The following CDH4 variants were observed in gnomAD, a reference collection of about 807,000 sequenced individuals.
CDH4 encodes cadherin-4.
A neutral mutation model predicts 86.0 loss-of-function variants in CDH4; 33 were observed. That is an observed-to-expected ratio of 0.38 (90% CI 0.29 to 0.51). The LOEUF is 0.51. Among genes scored for constraint, CDH4 ranks in the 20% least tolerant of loss-of-function variants. The pLI, the probability that CDH4 is intolerant of heterozygous loss-of-function variation, is 0.86. For missense variants in CDH4, 1,114 were observed against 1,307.4 expected, an observed-to-expected ratio of 0.85 and a Z score of 2.28; for synonymous variants, 555 against 549.4, an observed-to-expected ratio of 1.01 and a Z score of -0.14.
At chr20:61,302,071 T>C (rs956248910) in intron 2 of CDH4, among the ~76,000 whole-genome samples, 8 of 152,258 alleles carry the variant, frequency 5.3e-5, no homozygotes, top group African/African-American at 1.9e-4. Context: ...AGCAGATTGT[T>C]TTAATTTGCA....
At chr20:61,450,866 G>C (rs2085375380) in intron 2 of CDH4, among the ~76,000 whole-genome samples, 1 of 150,078 alleles carries the variant, frequency 6.7e-6, no homozygotes, top group Middle Eastern at 3.4e-3. Flanking sequence ...CTCTAACCCA[G>C]TGTCCTGACA....
At chr20:61,567,339 G>A (rs886427824) in intron 2 of CDH4, among the ~76,000 whole-genome samples, 1 of 152,200 alleles carries the variant, frequency 6.6e-6, no homozygotes, top group Non-Finnish European at 1.5e-5. Context: ...ACTTTTCACA[G>A]TTCTGGAGGC....
intron 2 of CDH4, among the ~76,000 whole-genome samples, chr20:61,433,645 T>C (rs1044431700): frequency 6.6e-6 from 1 of 151,898 alleles, no homozygotes; most frequent in Admixed American, 6.6e-5. Flanking sequence ...CAAAAGAAAG[T>C]GAGAGCCAGC....
chr20:61,404,439 G>A (rs6142835), intron 2 of CDH4, among the ~76,000 whole-genome samples: 55,965 of 151,862 alleles, frequency 0.37, 10,755 homozygotes, highest in South Asian at 0.46. Context: ...CACGCTTCTT[G>A]CCTTTTCTGA....
intron 2 of CDH4, among the ~76,000 whole-genome samples, chr20:61,611,800 T>G (rs1283716069): frequency 2.0e-5 from 3 of 152,216 alleles, no homozygotes; most frequent in South Asian, 4.1e-4. Context: ...CACCTGGGTG[T>G]GGATCTGAGC....
Position 61,937,031 on chromosome 20 carries a change from C to G in CDH4, c.*88C>G, listed in dbSNP as rs1055961401. ...GCAGAGGCGGCCGGTCTTCCCGACT[C>G]CCTGCGGCTGTGTCCTTAGTGCTGT... On this transcript the variant is annotated 3_prime_UTR_variant, in exon 16 of 16. Transcript: ENST00000614565. The G allele has an allele frequency of 2.6e-5, 31 of 1,185,352 alleles. 1 individual carries two copies. In the South Asian group the frequency reaches 5.1e-4, roughly 20 times the overall value. The allele number at this position is 1,185,352 out of a possible 1,614,324, so 73.4% of individuals were successfully genotyped here. A position where few individuals can be genotyped will look rare whatever the true frequency, so the allele number is the denominator to read the frequency against.
At position 61,544,662 on chromosome 20, in the gene CDH4, C is replaced by T. The variant is rs1035852205; in HGVS notation, c.170-198901C>T. On this transcript the variant is annotated intron_variant, in intron 2 of 15. Transcript: ENST00000614565. This position sits in a 1 kb window ranked among gnomAD's most constrained non-coding sequence, Gnocchi z 6.5. ...CGCTGCTCTACTCCGCACCGGCCCC[C>T]CTGCCTGTACTTGACCACACTCCTG... is the stretch of plus-strand genomic sequence containing the variant. Among the ~76,000 whole-genome samples the T allele has an allele frequency of 5.9e-5, 9 of 152,084 alleles. No homozygotes were observed. Among genetic ancestry groups the T allele is most frequent in the African/African-American group, 2.2e-4 (9 of 41,430 alleles).
rs536214531 is a variant in CDH4 at position 61,687,866 on chromosome 20, C to T, written c.170-55697C>T. ...TAAAAGGACTTAGCCTACCTTAGAC[C>T]ACAGGGGAGCCTGGGGGCTTTTGGG... On this transcript the variant is annotated intron_variant, in intron 2 of 15. Transcript: ENST00000614565. 5.1e-4 allele frequency among the ~76,000 whole-genome samples: 78 copies of T among 152,260 alleles called. 1 individual carries two copies. The highest frequency in any genetic ancestry group is 1.8e-3 in the African/African-American group (74 of 41,548).
intron 2 of CDH4, among the ~76,000 whole-genome samples, chr20:61,394,883 A>G (rs2085007811): frequency 7.3e-6 from 1 of 136,950 alleles, no homozygotes; most frequent in Admixed American, 8.1e-5. Flanking sequence ...GTGAGCCCTC[A>G]CAACCCTGCC....
At chr20:61,275,058 G>GA (rs1446248121) in intron 2 of CDH4, among the ~76,000 whole-genome samples, 4 of 136,952 alleles carry the variant, frequency 2.9e-5, no homozygotes, top group Admixed American at 1.5e-4. Flanking sequence ...GGAGTACCGT[G>GA]TGCAGTTTGG....
intron 2 of CDH4, among the ~76,000 whole-genome samples, chr20:61,530,489 G>A (rs1260991675): frequency 2.6e-5 from 4 of 152,104 alleles, no homozygotes; most frequent in Non-Finnish European, 1.5e-5. Context: ...GTGGAGGGAT[G>A]CCGTGGCAAG....
chr20:61,252,812 G>T lies in CDH4; in HGVS notation c.57+242G>T, dbSNP rs1180739765. Among the ~76,000 whole-genome samples the T allele has an allele frequency of 6.6e-6, 1 of 151,628 alleles. No individual in the cohort carries two copies. The highest frequency in any genetic ancestry group is 2.1e-4 in the South Asian group (1 of 4,824). On this transcript the variant is annotated intron_variant, in intron 1 of 15. Transcript: ENST00000614565. This position sits in a 1 kb window ranked among gnomAD's most constrained non-coding sequence, Gnocchi z 4.4. ...GGGAGTGGGGCTCGGTGGAGGACCC[G>T]GGGAGCTCCGCCTGCACCGGACCCG...
Position 61,873,917 on chromosome 20 carries a change from T to A in CDH4, c.1050+17T>A. The A allele has an allele frequency of 6.2e-7, 1 of 1,608,194 alleles. No homozygotes were observed. Among genetic ancestry groups the A allele is most frequent in the Non-Finnish European group, 8.5e-7 (1 of 1,178,364 alleles). On this transcript the variant is annotated intron_variant, in intron 7 of 15. Transcript: ENST00000614565. The stretch of plus-strand genomic sequence containing the variant: ...GACCGAGAGGTGAGGCGGGGTGGGG[T>A]CTGCGTGCAGGCGGGTGAGCTCCTG...
At chr20:61,698,115 G>A (rs1307801373) in intron 2 of CDH4, among the ~76,000 whole-genome samples, 1 of 152,244 alleles carries the variant, frequency 6.6e-6, no homozygotes, top group Non-Finnish European at 1.5e-5. Flanking sequence ...TTGCTGGACA[G>A]CACAGACCTG....
chr20:61,859,371 T>C (rs1279821555), intron 6 of CDH4, among the ~76,000 whole-genome samples: 1 of 152,200 alleles, frequency 6.6e-6, no homozygotes, highest in African/African-American at 2.4e-5. Context: ...CCCCCCAGGG[T>C]CTTTGCGAGC....
At chr20:61,683,527 T>A (rs948512392) in intron 2 of CDH4, among the ~76,000 whole-genome samples, 8 of 152,078 alleles carry the variant, frequency 5.3e-5, no homozygotes, top group African/African-American at 1.9e-4. Context: ...CAGAACGGGG[T>A]GCCGTGCTAG....
intron 2 of CDH4, among the ~76,000 whole-genome samples, chr20:61,726,802 A>T (rs1485255482): frequency 1.3e-5 from 2 of 150,050 alleles, no homozygotes; most frequent in Non-Finnish European, 3.0e-5. Context: ...CATTGGTGCC[A>T]TCATCACCAT....
intron 2 of CDH4, among the ~76,000 whole-genome samples, chr20:61,644,122 G>A (rs2087037657): frequency 6.6e-6 from 1 of 152,174 alleles, no homozygotes; most frequent in South Asian, 2.1e-4. Context: ...ACCAAGGGTG[G>A]GGAATGAGGA....
At position 61,811,177 on chromosome 20, in the gene CDH4, GA is replaced by G. The variant is rs951656205; in HGVS notation, c.577-33481del. Reference sequence around the variant, plus strand: ...AACCAAACATCCCCAAACTCTTAGAGAAAAAAAAAATGCAATCCCTGCTGAG... The same window carrying G: ...AACCAAACATCCCCAAACTCTTAGAGAAAAAAAAATGCAATCCCTGCTGAG... On this transcript the variant is annotated intron_variant, in intron 4 of 15. Coordinates refer to ENST00000614565, the MANE Select transcript of CDH4 (RefSeq NM_001794.5). The surrounding 1 kb of genome is among the most constrained non-coding windows in gnomAD (Gnocchi z 4.4). 4.7e-5 allele frequency among the ~76,000 whole-genome samples: 7 copies of G among 149,416 alleles called. No homozygotes were observed. The highest frequency in any genetic ancestry group is 2.1e-4 in the South Asian group (1 of 4,710).
Sources: gnomAD v4.1 joint callset for allele counts (sites outside exome capture counted in the v4.1 genomes callset) on GRCh38, gnomAD v4.1.1 for gene constraint, Gnocchi (gnomAD v3.1) non-coding constraint, MANE v1.5 for transcripts, NCBI Gene and HGNC (gene_info 2026-07-23, HGNC 2026-07-21) for gene names.